SIPA1L2: variants seen among roughly 807,000 people sequenced by gnomAD.
The protein encoded by SIPA1L2 is signal induced proliferation associated 1 like 2, also known as signal-induced proliferation-associated 1-like protein 2.
SIPA1L2 carries 56 observed loss-of-function variants against 163.9 expected under a neutral mutation model. The observed-to-expected ratio is 0.34, with a 90% CI of 0.28 to 0.43. The LOEUF is 0.43. Ranked by LOEUF, SIPA1L2 falls within the 20% of genes least tolerant of loss-of-function variation. The pLI, the probability that SIPA1L2 is intolerant of heterozygous loss-of-function variation, is 1.00. For missense variants in SIPA1L2, 1,974 were observed against 2,193.5 expected, an observed-to-expected ratio of 0.90 and a Z score of 2.00; for synonymous variants, 877 against 865.7, an observed-to-expected ratio of 1.01 and a Z score of -0.23.
chr1:232,603,504 C>T (rs1314002549), intron 1 of SIPA1L2, among the ~76,000 whole-genome samples: 1 of 152,062 alleles, frequency 6.6e-6, no homozygotes. Flanking sequence ...CAGGGTGTCA[C>T]TCAGGGTCAA....
Position 232,474,680 on chromosome 1 carries a change from C to G in SIPA1L2, c.2086-3152G>C, listed in dbSNP as rs12022648. Reference sequence around the variant, plus strand: ...GATATGCCAATTACTCTGATGTGATCAATACACATTGTATGCAGGTATCAA... The same window carrying G: ...GATATGCCAATTACTCTGATGTGATGAATACACATTGTATGCAGGTATCAA... On this transcript the variant is annotated intron_variant, in intron 7 of 22. Transcript: ENST00000674635. Among the ~76,000 whole-genome samples the G allele has an allele frequency of 0.036, 5,546 of 152,030 alleles. 953 individuals are homozygous for G. The East Asian group carries it at 0.56, about 15-fold the overall frequency.
chr1:232,460,043 C>A (rs1299486536), intron 10 of SIPA1L2, among the ~76,000 whole-genome samples: 1 of 152,106 alleles, frequency 6.6e-6, no homozygotes, highest in Non-Finnish European at 1.5e-5. Context: ...AAAGCCAGAG[C>A]TCTTAAGGCT....
At chr1:232,400,422 C>T (rs1482832045) in intron 22 of SIPA1L2, among the ~76,000 whole-genome samples, 1 of 152,164 alleles carries the variant, frequency 6.6e-6, no homozygotes. Flanking sequence ...TCCTGAAATT[C>T]CTTTCGTCTT....
At chr1:232,550,723 G>A (rs2103133135) in intron 2 of SIPA1L2, among the ~76,000 whole-genome samples, 1 of 152,282 alleles carries the variant, frequency 6.6e-6, no homozygotes, top group South Asian at 2.1e-4. Flanking sequence ...TTCTCCCCTC[G>A]GGAGGTGATG....
At chr1:232,441,226 C>T in intron 14 of SIPA1L2, 65 bp downstream of exon 14, 1 of 1,238,280 alleles carries the variant, frequency 8.1e-7, no homozygotes, top group Admixed American at 2.6e-5. Context: ...CAGGCTGTAC[C>T]ACTGTGTGCT....
chr1:232,479,361 G>A (rs1021261019), intron 7 of SIPA1L2, among the ~76,000 whole-genome samples: 7 of 152,200 alleles, frequency 4.6e-5, no homozygotes, highest in Admixed American at 6.5e-5. Flanking sequence ...ATATAGTTGA[G>A]ACAAGTTTCT....
intron 1 of SIPA1L2, among the ~76,000 whole-genome samples, chr1:232,588,751 C>T (rs1660806787): frequency 6.6e-6 from 1 of 152,132 alleles, no homozygotes; most frequent in South Asian, 2.1e-4. Flanking sequence ...AATGCAGATG[C>T]AAGGCAAGAA....
At chr1:232,626,662 T>A (rs922410865) in intron 1 of SIPA1L2, among the ~76,000 whole-genome samples, 1 of 152,208 alleles carries the variant, frequency 6.6e-6, no homozygotes, top group African/African-American at 2.4e-5. Context: ...TCTGAATCAT[T>A]GATTTCAAGG....
chr1:232,629,069 G>A (rs1663228851), intron 1 of SIPA1L2, among the ~76,000 whole-genome samples: 1 of 152,128 alleles, frequency 6.6e-6, no homozygotes, highest in African/African-American at 2.4e-5. Flanking sequence ...CAATACTCAG[G>A]CCAGAGTCAT....
At chr1:232,588,187 TGG>T (rs1409349256) in intron 1 of SIPA1L2, among the ~76,000 whole-genome samples, 7 of 152,162 alleles carry the variant, frequency 4.6e-5, no homozygotes, top group Non-Finnish European at 1.0e-4. Flanking sequence ...TCAGCACCTG[TGG>T]GGTGGACCTA....
chr1:232,469,432 G>C (rs758588084), intron 8 of SIPA1L2, among the ~76,000 whole-genome samples: 1 of 152,186 alleles, frequency 6.6e-6, no homozygotes, highest in Non-Finnish European at 1.5e-5. Context: ...ATGAGATAGA[G>C]TAAGGACAGC....
intron 9 of SIPA1L2, among the ~76,000 whole-genome samples, chr1:232,464,073 G>A (rs1351999839): frequency 4.6e-5 from 7 of 151,804 alleles, no homozygotes; most frequent in Non-Finnish European, 1.0e-4. Flanking sequence ...CCCTCTTGGG[G>A]GAAGATTTAC....
intron 18 of SIPA1L2, among the ~76,000 whole-genome samples, chr1:232,418,740 G>A (rs1661403641): frequency 6.6e-6 from 1 of 152,212 alleles, no homozygotes; most frequent in Admixed American, 6.5e-5. Context: ...ACATTTGTTG[G>A]TGACATTTTT....
intron 1 of SIPA1L2, among the ~76,000 whole-genome samples, chr1:232,611,866 AT>A (rs1662254159): frequency 6.6e-6 from 1 of 152,180 alleles, no homozygotes; most frequent in South Asian, 2.1e-4. Context: ...CCCCAAGACA[AT>A]GGGGAAAATG....
chr1:232,580,375 TGACCTATATCTTGC>T (rs1160123128), intron 1 of SIPA1L2, among the ~76,000 whole-genome samples: 1 of 152,212 alleles, frequency 6.6e-6, no homozygotes, highest in African/African-American at 2.4e-5. Flanking sequence ...ACGGTCTTTG[TGACCTATATCTTGC>T]GCTGACCTCC....
At chr1:232,446,743 T>C (rs1202239031) in intron 10 of SIPA1L2, among the ~76,000 whole-genome samples, 1 of 152,264 alleles carries the variant, frequency 6.6e-6, no homozygotes, top group African/African-American at 2.4e-5. Context: ...TTTATCTTCC[T>C]GAAAACTTCA....
intron 1 of SIPA1L2, among the ~76,000 whole-genome samples, chr1:232,598,694 T>C (rs1661417495): frequency 6.6e-6 from 1 of 152,070 alleles, no homozygotes; most frequent in Non-Finnish European, 1.5e-5. Flanking sequence ...ATGGGTCTCT[T>C]CCTCTCTTGG....
At chr1:232,456,551 A>G (rs1406071093) in intron 10 of SIPA1L2, among the ~76,000 whole-genome samples, 1 of 152,220 alleles carries the variant, frequency 6.6e-6, no homozygotes, top group African/African-American at 2.4e-5. Flanking sequence ...TTTTTATTGG[A>G]CATATTTACT....
intron 3 of SIPA1L2, among the ~76,000 whole-genome samples, chr1:232,508,260 C>A (rs1666821770): frequency 6.6e-6 from 1 of 152,188 alleles, no homozygotes. Context: ...TGGTTTTAAC[C>A]TCTCTTTACC....
Sources: gnomAD v4.1 joint callset for allele counts (sites outside exome capture counted in the v4.1 genomes callset) on GRCh38, gnomAD v4.1.1 for gene constraint, MANE v1.5 for transcripts, NCBI Gene and HGNC (gene_info 2026-07-23, HGNC 2026-07-21) for gene names.